The following NBAS variants were observed in gnomAD, a reference collection of about 807,000 sequenced individuals.
NBAS encodes NBAS subunit of NRZ tethering complex, also known as NAG/BC035112 fusion.
In NBAS, 219 loss-of-function variants were observed where a neutral mutation model predicts 302.5. The ratio of observed to expected loss-of-function variants is 0.72; its 90% confidence interval spans 0.65 to 0.81. The LOEUF (loss-of-function observed/expected upper bound fraction) is 0.81. NBAS is among the 30% of genes least tolerant of loss of function. The pLI, the probability that NBAS is intolerant of heterozygous loss-of-function variation, is 0.00. For synonymous variants in NBAS, 1,118 were observed against 1,021.6 expected (o/e 1.09, Z -1.80); for missense variants, 2,932 against 2,841.6 (o/e 1.03, Z -0.72).
intron 6 of NBAS, among the ~76,000 whole-genome samples, chr2:15,549,401 T>C (rs1275990234): frequency 6.6e-6 from 1 of 152,158 alleles, no homozygotes; most frequent in Non-Finnish European, 1.5e-5. Context: ...GAACTAAGGC[T>C]GTGATGGTGG....
At chr2:15,257,906 T>C (rs763703661) in intron 44 of NBAS, among the ~76,000 whole-genome samples, 1 of 152,198 alleles carries the variant, frequency 6.6e-6, no homozygotes, top group African/African-American at 2.4e-5. Flanking sequence ...AAAACTGACA[T>C]TGAACTCAAT....
At chr2:15,400,618 T>C (rs565864007) in intron 26 of NBAS, among the ~76,000 whole-genome samples, 1 of 152,292 alleles carries the variant, frequency 6.6e-6, no homozygotes, top group Non-Finnish European at 1.5e-5. Flanking sequence ...TTTTTGAAGA[T>C]AGGAATCCAA....
rs59919592 is a variant in NBAS, at chr2:15,469,538, G to A, written c.1726-1005C>T. On this transcript the variant is annotated intron_variant, in intron 16 of 51. Coordinates refer to ENST00000281513, the MANE Select transcript of NBAS (RefSeq NM_015909.4). ...TCCTACTATAAAGACATATGCACACGTATGTTTATAGCGACACTACTCACA... is the reference window on the plus strand; with the variant it reads ...TCCTACTATAAAGACATATGCACACATATGTTTATAGCGACACTACTCACA... Among the ~76,000 whole-genome samples the A allele has an allele frequency of 5.0e-3, 755 of 152,172 alleles. 7 individuals carry two copies. The highest frequency in any genetic ancestry group is 0.017 in the African/African-American group (712 of 41,504).
Position 15,475,631 on chromosome 2 carries a change from T to C in NBAS, c.1341+56A>G, listed in dbSNP as rs190308749. 2.3e-5 allele frequency: 35 copies of C among 1,514,222 alleles called. No individual in the cohort carries two copies. In the Middle Eastern group the frequency reaches 8.7e-4, roughly 38 times the overall value. 93.8% of individuals were successfully genotyped at this position (1,514,222 alleles called of 1,614,324 possible). Reference sequence around the variant, plus strand: ...AGACAACTCAAATAAAAACCAGATATTTAAATTTTTGGTTAAATACATAAC... The same window carrying C: ...AGACAACTCAAATAAAAACCAGATACTTAAATTTTTGGTTAAATACATAAC... On this transcript the variant is annotated intron_variant, in intron 14 of 51. Coordinates refer to ENST00000281513, the MANE Select transcript of NBAS (RefSeq NM_015909.4).
chr2:15,537,947 A>T (rs1663599326), intron 7 of NBAS, among the ~76,000 whole-genome samples: 1 of 152,204 alleles, frequency 6.6e-6, no homozygotes, highest in Non-Finnish European at 1.5e-5. Flanking sequence ...CATTGTCTAG[A>T]ACCACACAGT....
intron 47 of NBAS, 92 bp from the exon 48 acceptor site, chr2:15,219,060 G>T (rs1666796309): frequency 6.8e-6 from 10 of 1,475,020 alleles, no homozygotes; most frequent in Non-Finnish European, 9.2e-6. Context: ...CCTAACACTT[G>T]TTTGTTGGAT....
chr2:15,301,954 G>A (rs1013057879), intron 40 of NBAS, among the ~76,000 whole-genome samples: 1 of 152,226 alleles, frequency 6.6e-6, no homozygotes, highest in Non-Finnish European at 1.5e-5. Context: ...AGGATTTTGG[G>A]TGGAGAGGAG....
Position 15,407,252 on chromosome 2 carries a change from A to T in NBAS, c.2938-4951T>A, listed in dbSNP as rs1676459873. ...TAGCATAGCTTGAGAGGTACTTTTC[A>T]CTTCCTGAGGACCATAGACCAAGAG... On this transcript the variant is annotated intron_variant, in intron 25 of 51. Transcript: ENST00000281513. 2.0e-5 allele frequency among the ~76,000 whole-genome samples: 3 copies of T among 152,182 alleles called. No homozygotes were observed. The South Asian group carries it at 6.2e-4, about 31-fold the overall frequency.
intron 2 of NBAS, 92 bp downstream of exon 2, chr2:15,558,488 C>A: frequency 1.1e-6 from 1 of 889,390 alleles, no homozygotes; most frequent in Non-Finnish European, 1.8e-6. Context: ...AGATAACACA[C>A]ATTACTTTTA....
the NBAS span, among the ~76,000 whole-genome samples, chr2:14,856,038 C>A: frequency 5.8e-4 from 89 of 152,176 alleles, 3 homozygotes; most frequent in Admixed American, 5.8e-3. Flanking sequence ...ATGCTTATAT[C>A]ACTTCACCTA....
At chr2:15,169,507 C>A (rs1341619977) in intron 51 of NBAS, among the ~76,000 whole-genome samples, 1 of 152,152 alleles carries the variant, frequency 6.6e-6, no homozygotes, top group Non-Finnish European at 1.5e-5. Flanking sequence ...GTGCCAGAAC[C>A]CTGAGAGGCC....
intron 48 of NBAS, among the ~76,000 whole-genome samples, chr2:15,196,165 T>C (rs1665610665): frequency 6.6e-6 from 1 of 152,234 alleles, no homozygotes; most frequent in South Asian, 2.1e-4. Context: ...ATCCTTTGGA[T>C]GAGTTCTTTA....
At chr2:15,238,160 C>G (rs1667688754) in intron 45 of NBAS, among the ~76,000 whole-genome samples, 2 of 152,116 alleles carry the variant, frequency 1.3e-5, no homozygotes, top group Admixed American at 1.3e-4. Flanking sequence ...TTAGAGACCT[C>G]TCCCCTCACC....
At chr2:14,790,918 C>T in the NBAS span, among the ~76,000 whole-genome samples, 2 of 152,216 alleles carry the variant, frequency 1.3e-5, no homozygotes, top group East Asian at 1.9e-4. Flanking sequence ...TGCAATGGCG[C>T]GATCTTGGCT....
At chr2:14,847,102 G>A in the NBAS span, among the ~76,000 whole-genome samples, 56 of 152,078 alleles carry the variant, frequency 3.7e-4, 1 homozygote, top group African/African-American at 1.3e-3. Flanking sequence ...AAACATAGAC[G>A]GCCGGGCATG....
intron 21 of NBAS, among the ~76,000 whole-genome samples, chr2:15,454,316 G>C (rs1285514151): frequency 6.6e-6 from 1 of 151,800 alleles, no homozygotes; most frequent in Admixed American, 6.6e-5. Context: ...GAAAAATAGA[G>C]TTTATTTCCA....
intron 28 of NBAS, chr2:15,393,813 A>T (rs1475162492): frequency 2.2e-6 from 1 of 448,164 alleles, no homozygotes; most frequent in Non-Finnish European, 4.6e-6. Flanking sequence ...GATGAATCAC[A>T]AAATAATTAT....
chr2:15,274,074 C>A (rs1437765009), intron 44 of NBAS, among the ~76,000 whole-genome samples: 1 of 150,790 alleles, frequency 6.6e-6, no homozygotes. Flanking sequence ...AGCGAGACTC[C>A]GTCTCAAAAA....
the NBAS span, among the ~76,000 whole-genome samples, chr2:14,787,625 T>C: frequency 2.0e-5 from 3 of 152,336 alleles, no homozygotes; most frequent in Middle Eastern, 6.8e-3. Context: ...AAAATTCTTT[T>C]CTTTATGAAT....
Sources: allele counts gnomAD v4.1 joint callset (sites outside exome capture counted in the v4.1 genomes callset), GRCh38; gene constraint gnomAD v4.1.1; transcripts MANE v1.5; gene names NCBI Gene and HGNC (gene_info 2026-07-23, HGNC 2026-07-21).